Variants in STAG1 observed in about 807,000 individuals in gnomAD.
The protein encoded by STAG1 is STAG1 cohesin complex component.
STAG1 carries 26 observed loss-of-function variants against 170.9 expected under a neutral mutation model. The observed-to-expected ratio is 0.15, with a 90% CI of 0.11 to 0.21. The LOEUF (loss-of-function observed/expected upper bound fraction) is 0.21. Ranked by LOEUF, STAG1 falls within the 10% of genes least tolerant of loss-of-function variation. The probability of loss-of-function intolerance (pLI) is 1.00; values close to 1 mark genes in which losing one functional copy is unlikely to be tolerated. For synonymous variants in STAG1, 514 were observed against 497.7 expected (o/e 1.03, Z -0.44); for missense variants, 964 against 1,509.5 (o/e 0.64, Z 5.99).
chr3:136,435,731 G>GTT (rs2088440790), intron 15 of STAG1, among the ~76,000 whole-genome samples: 1 of 151,970 alleles, frequency 6.6e-6, no homozygotes, highest in South Asian at 2.1e-4. Context: ...GTGCAGTGAG[G>GTT]CTATCTTGGC....
In STAG1 at chr3:136,341,524, G is replaced by C; in HGVS notation, c.3474C>G (p.Gly1158=). 1.2e-6 allele frequency: 2 copies of C among 1,613,156 alleles called. No homozygotes were observed. The highest frequency in any genetic ancestry group is 1.7e-6 in the Non-Finnish European group (2 of 1,179,440). The change falls in exon 31 of 34, where the codon GGC becomes GGG. Residue 1158 remains glycine (G), a synonymous_variant. Coordinates refer to ENST00000383202, the MANE Select transcript of STAG1 (RefSeq NM_005862.3). ...HNPQMQISWL[G]QPKLEDLNRK... ...GATTTAAGTCTTCTAACTTCGGCTG[G>C]CCTAACCAAGAGATCTGCATCTGAG... is the stretch of plus-strand genomic sequence containing the variant.
At chr3:136,456,736 A>G (rs111354175) in intron 13 of STAG1, among the ~76,000 whole-genome samples, 1 of 152,304 alleles carries the variant, frequency 6.6e-6, no homozygotes, top group African/African-American at 2.4e-5. Context: ...ATCAAGGACA[A>G]AGAAGAAATA....
At chr3:136,561,501 G>A (rs1406017524) in intron 5 of STAG1, among the ~76,000 whole-genome samples, 1 of 152,144 alleles carries the variant, frequency 6.6e-6, no homozygotes, top group Non-Finnish European at 1.5e-5. Flanking sequence ...TGAAAAGGAG[G>A]TCTTTAAATC....
intron 2 of STAG1, among the ~76,000 whole-genome samples, chr3:136,623,977 A>G (rs1341447383): frequency 6.6e-6 from 1 of 152,176 alleles, no homozygotes; most frequent in East Asian, 1.9e-4. Context: ...CAAAAAAGAC[A>G]TAAAGGATAC....
intron 16 of STAG1, among the ~76,000 whole-genome samples, chr3:136,432,440 G>A (rs1044214867): frequency 2.4e-4 from 36 of 148,866 alleles, no homozygotes; most frequent in African/African-American, 7.4e-4. Flanking sequence ...TTGCATGGCT[G>A]TAGTTTTTCT....
intron 7 of STAG1, among the ~76,000 whole-genome samples, chr3:136,512,888 G>A (rs1350634704): frequency 2.0e-5 from 3 of 152,008 alleles, no homozygotes; most frequent in Non-Finnish European, 4.4e-5. Flanking sequence ...AATAACTACA[G>A]AGCCAAGAAA....
chr3:136,374,159 G>A (rs555660543), intron 23 of STAG1, among the ~76,000 whole-genome samples: 1 of 152,166 alleles, frequency 6.6e-6, no homozygotes, highest in South Asian at 2.1e-4. Context: ...GACTAGGATT[G>A]CAACCCCTGC....
intron 28 of STAG1, among the ~76,000 whole-genome samples, chr3:136,352,625 T>G (rs1490353784): frequency 6.6e-6 from 1 of 152,210 alleles, no homozygotes; most frequent in South Asian, 2.1e-4. Context: ...CTTATGATTT[T>G]TTTTTACTTT....
intron 7 of STAG1, 81 bp from the exon 8 acceptor site, chr3:136,502,860 T>C: frequency 1.8e-6 from 2 of 1,121,470 alleles, no homozygotes; most frequent in Non-Finnish European, 1.2e-6. Flanking sequence ...AGCCAATGGA[T>C]GAAGAAATGA....
chr3:136,549,402 C>T (rs1936292628), intron 5 of STAG1, among the ~76,000 whole-genome samples: 1 of 151,970 alleles, frequency 6.6e-6, no homozygotes, highest in African/African-American at 2.4e-5. Flanking sequence ...CCTCCGTCTC[C>T]CAGGTTCAAG....
intron 22 of STAG1, among the ~76,000 whole-genome samples, chr3:136,381,760 C>G (rs1001910094): frequency 1.3e-5 from 2 of 152,066 alleles, no homozygotes; most frequent in Non-Finnish European, 2.9e-5. Context: ...GCAAGCAATG[C>G]TATTAACTAG....
chr3:136,571,680 T>C (rs1273623711), intron 4 of STAG1, among the ~76,000 whole-genome samples: 1 of 151,918 alleles, frequency 6.6e-6, no homozygotes. Context: ...AAGACCAGCC[T>C]GGGCAACATA....
chr3:136,546,436 G>A (rs751124941), intron 5 of STAG1, among the ~76,000 whole-genome samples: 1 of 152,042 alleles, frequency 6.6e-6, no homozygotes, highest in African/African-American at 2.4e-5. Flanking sequence ...AAAGAAAATC[G>A]AGAACTCAGG....
intron 1 of STAG1, among the ~76,000 whole-genome samples, chr3:136,730,978 C>A (rs1040820040): frequency 1.3e-5 from 2 of 152,164 alleles, no homozygotes; most frequent in African/African-American, 4.8e-5. Flanking sequence ...CAAGAATCTG[C>A]ATGTCTAACA....
At chr3:136,395,141 G>A (rs1269390633) in intron 22 of STAG1, among the ~76,000 whole-genome samples, 3 of 152,022 alleles carry the variant, frequency 2.0e-5, no homozygotes, top group African/African-American at 7.2e-5. Context: ...AATCTGCATT[G>A]CCAATGAAAT....
chr3:136,477,645 T>C (rs895068083), intron 9 of STAG1, among the ~76,000 whole-genome samples: 1 of 152,132 alleles, frequency 6.6e-6, no homozygotes, highest in African/African-American at 2.4e-5. Flanking sequence ...ATTACTCTAT[T>C]TTCACTGGGC....
chr3:136,658,998 T>C (rs1266155344), intron 1 of STAG1, among the ~76,000 whole-genome samples: 2 of 152,296 alleles, frequency 1.3e-5, no homozygotes, highest in East Asian at 3.9e-4. Context: ...GAGGCAATTC[T>C]AATCTAATTC....
chr3:136,709,268 C>A (rs1292216355), intron 1 of STAG1, among the ~76,000 whole-genome samples: 1 of 150,650 alleles, frequency 6.6e-6, no homozygotes, highest in African/African-American at 2.4e-5. Context: ...CCAGCCTGGG[C>A]GACAGAGCGA....
At chr3:136,654,285 C>T (rs199635592) in intron 1 of STAG1, among the ~76,000 whole-genome samples, 1 of 151,970 alleles carries the variant, frequency 6.6e-6, no homozygotes, top group East Asian at 1.9e-4. Context: ...CAAATAAAGC[C>T]AAGTAGCAGG....
Sources: allele counts gnomAD v4.1 joint callset (sites outside exome capture counted in the v4.1 genomes callset), GRCh38; gene constraint gnomAD v4.1.1; transcripts MANE v1.5; gene names NCBI Gene and HGNC (gene_info 2026-07-23, HGNC 2026-07-21).